Variants in DYSF observed in about 807,000 individuals in gnomAD.
DYSF encodes dysferlin, also known as dystrophy-associated fer-1-like 1.
In DYSF, 212 loss-of-function variants were observed where a neutral mutation model predicts 274.9. The ratio of observed to expected loss-of-function variants is 0.77; its 90% confidence interval spans 0.69 to 0.86. The LOEUF (loss-of-function observed/expected upper bound fraction) is 0.86. Ranked by LOEUF, DYSF falls within the 40% of genes least tolerant of loss-of-function variation. The pLI, the probability that DYSF is intolerant of heterozygous loss-of-function variation, is 0.00. For synonymous variants in DYSF, 1,091 were observed against 1,078.7 expected (o/e 1.01, Z -0.22); for missense variants, 2,666 against 2,783.2 (o/e 0.96, Z 0.95).
At chr2:71,522,617 T>G (rs2087422306) in intron 12 of DYSF, among the ~76,000 whole-genome samples, 1 of 152,196 alleles carries the variant, frequency 6.6e-6, no homozygotes, top group Admixed American at 6.5e-5. Flanking sequence ...TAAATTGCTC[T>G]TCTCCAGCCT....
At position 71,601,500 on chromosome 2, in the gene DYSF, C is replaced by T. The variant is rs767190885; in HGVS notation, c.3899C>T (p.Pro1300Leu). The T allele has an allele frequency of 1.2e-5, 20 of 1,614,060 alleles. No homozygotes were observed. The highest frequency in any genetic ancestry group is 2.2e-5 in the South Asian group (2 of 91,084). The part of the protein sequence containing the change: ...ASFELIQREK[P>L]AIHHIPGFEV... ...AGAGCTCTCTTTTCTTCACTCCAGC[C>T]GGCCATCCACCATATTCCTGGTTTT... Residue 1300 changes from proline to leucine, a missense_variant and splice_region_variant, in exon 35 of 56, where the codon CCG (proline) becomes CTG (leucine). Around this residue, in one of 3 missense-constraint regions of DYSF, gnomAD observed 1,460 missense variants for 1,502.1 expected, o/e 0.97. Transcript: ENST00000410020.
intron 1 of DYSF, among the ~76,000 whole-genome samples, chr2:71,473,769 A>G (rs1319414096): frequency 6.6e-6 from 1 of 152,184 alleles, no homozygotes; most frequent in Non-Finnish European, 1.5e-5. Context: ...ATTTTTAAGT[A>G]TACAGTTCTG....
intron 36 of DYSF, among the ~76,000 whole-genome samples, chr2:71,605,758 A>G (rs2093635841): frequency 6.6e-6 from 1 of 152,034 alleles, no homozygotes; most frequent in South Asian, 2.1e-4. Flanking sequence ...CCCCAAGTCC[A>G]CTGGAAGGAA....
intron 5 of DYSF, 25 bp downstream of exon 5, chr2:71,511,946 T>G (rs1269474916): frequency 3.5e-6 from 5 of 1,448,454 alleles, no homozygotes; most frequent in Non-Finnish European, 4.7e-6. Flanking sequence ...TTGGCCTGGC[T>G]GGGCCCCAGC....
chr2:71,530,904 T>A (rs1446036983), intron 14 of DYSF, among the ~76,000 whole-genome samples: 2 of 152,072 alleles, frequency 1.3e-5, no homozygotes, highest in African/African-American at 2.4e-5. Context: ...TCTTTGCATT[T>A]CCCCTTATGG....
In DYSF at chr2:71,679,092, C is replaced by A. The variant is rs1254719758; in HGVS notation, c.5920C>A (p.Pro1974Thr). ...GCTCGATCTCAACCGCATGCCCAAG[C>A]CAGCCAAGACAGCCAAGAAGTGCTC... Reference protein sequence around the residue: ...LQLDLNRMPKPAKTAKKCSLD... With the variant: ...LQLDLNRMPKTAKTAKKCSLD... The change falls in exon 53 of 56, where the codon CCA (proline) becomes ACA (threonine). Residue 1974 changes from proline to threonine, a missense_variant. By Grantham distance (38) the Pro-to-Thr change is conservative. Coordinates refer to ENST00000410020, the MANE Select transcript of DYSF (RefSeq NM_001130987.2). 2.5e-6 allele frequency: 4 copies of A among 1,613,892 alleles called. No homozygotes were observed. The African/African-American group carries it at 4.0e-5, about 16-fold the overall frequency.
intron 4 of DYSF, among the ~76,000 whole-genome samples, chr2:71,510,566 T>G (rs566458767): frequency 6.6e-6 from 1 of 152,250 alleles, no homozygotes; most frequent in African/African-American, 2.4e-5. Context: ...CCAGTGCTGC[T>G]CTCCTTAGTG....
intron 4 of DYSF, among the ~76,000 whole-genome samples, chr2:71,505,609 C>T (rs774414144): frequency 2.0e-5 from 3 of 152,186 alleles, no homozygotes; most frequent in Admixed American, 6.5e-5. Context: ...GGCTGTGTGC[C>T]ATGGAGGATC....
chr2:71,610,242 T>A (rs2152873034), intron 36 of DYSF, among the ~76,000 whole-genome samples: 1 of 152,368 alleles, frequency 6.6e-6, no homozygotes, highest in South Asian at 2.1e-4. Flanking sequence ...AGACACCACA[T>A]GGGCTAATAG....
Position 71,686,663 on chromosome 2 carries a change from A to G in DYSF, c.*171A>G. On this transcript the variant is annotated 3_prime_UTR_variant, in exon 56 of 56. Transcript: ENST00000410020. ...CACACTCCCAGAGTTGCTAACATGG[A>G]GCTCTGAGATCACCCCACTTCCATC... is the stretch of plus-strand genomic sequence containing the variant. The G allele has an allele frequency of 1.3e-6, 1 of 745,862 alleles. No individual in the cohort carries two copies. Among genetic ancestry groups the G allele is most frequent in the Non-Finnish European group, 2.3e-6 (1 of 427,720 alleles). 46.2% of individuals were successfully genotyped at this position (745,862 alleles called of 1,614,324 possible).
At chr2:71,666,917 T>A (rs2095023933) in intron 47 of DYSF, among the ~76,000 whole-genome samples, 1 of 152,244 alleles carries the variant, frequency 6.6e-6, no homozygotes, top group Non-Finnish European at 1.5e-5. Flanking sequence ...CTGGAAGTGT[T>A]TGCTGTTATT....
intron 32 of DYSF, among the ~76,000 whole-genome samples, chr2:71,595,194 C>T (rs1430343703): frequency 6.6e-6 from 1 of 152,190 alleles, no homozygotes; most frequent in South Asian, 2.1e-4. Context: ...AGGAGAGTAC[C>T]TATTTCATCA....
intron 16 of DYSF, among the ~76,000 whole-genome samples, chr2:71,537,235 T>TTTTTG (rs1559105018): frequency 6.9e-6 from 1 of 144,104 alleles, no homozygotes; most frequent in African/African-American, 2.6e-5. Context: ...TTTTTTTTTT[T>TTTTTG]TTTTTTTTTT....
chr2:71,568,487 C>G, intron 26 of DYSF, 149 bp downstream of exon 26: 1 of 1,075,936 alleles, frequency 9.3e-7, no homozygotes, highest in Non-Finnish European at 1.3e-6. Context: ...TCTCCCAGGA[C>G]TGAGGCTTGC....
chr2:71,684,691 C>T (rs2095334985), intron 55 of DYSF, among the ~76,000 whole-genome samples: 1 of 152,218 alleles, frequency 6.6e-6, no homozygotes, highest in African/African-American at 2.4e-5. Context: ...AGGGAACTCA[C>T]TAGAAACTCA....
intron 23 of DYSF, among the ~76,000 whole-genome samples, chr2:71,562,484 TC>T (rs2091839304): frequency 6.6e-6 from 1 of 152,002 alleles, no homozygotes; most frequent in Non-Finnish European, 1.5e-5. Flanking sequence ...GGGAACTATT[TC>T]CCCACCTGCA....
intron 20 of DYSF, 38 bp from the exon 21 acceptor site, chr2:71,553,769 C>A: frequency 1.3e-6 from 2 of 1,540,926 alleles, no homozygotes; most frequent in Non-Finnish European, 1.8e-6. Context: ...CCGCCCTCCA[C>A]TCCTGGCACA....
chr2:71,594,044 G>T (rs1179638902), intron 32 of DYSF, among the ~76,000 whole-genome samples: 1 of 152,206 alleles, frequency 6.6e-6, no homozygotes, highest in Admixed American at 6.5e-5. Flanking sequence ...GGTCACAGTG[G>T]TGGGCCAGGT....
rs2094768187 is a variant in DYSF, at chr2:71,656,273, G to T, written c.4738G>T (p.Val1580Leu). The T allele has an allele frequency of 1.2e-6, 2 of 1,614,058 alleles. No homozygotes were observed. The highest frequency in any genetic ancestry group is 1.7e-6 in the Non-Finnish European group (2 of 1,180,052). The change falls in exon 43 of 56, where the codon GTG becomes TTG. Residue 1580 changes from valine (V) to leucine (L), a missense_variant. By Grantham distance (32) the Val-to-Leu change is conservative. Coordinates refer to ENST00000410020, the MANE Select transcript of DYSF (RefSeq NM_001130987.2). The stretch of plus-strand genomic sequence containing the variant: ...GCAGGAGGAGACAGAAGATCCATCT[G>T]TGATTGGTGAATTTAAGGTAAATCC... ...KTQEETEDPS[V>L]IGEFKGLFKI...
Sources: gnomAD v4.1 joint callset for allele counts (sites outside exome capture counted in the v4.1 genomes callset) on GRCh38, gnomAD v4.1.1 for gene constraint, gnomAD v4.1.1 regional missense constraint, MANE v1.5 for transcripts, NCBI Gene and HGNC (gene_info 2026-07-23, HGNC 2026-07-21) for gene names.